DBH: variants seen among roughly 807,000 people sequenced by gnomAD.
DBH encodes the protein dopamine beta-hydroxylase (dopamine beta-monooxygenase).
Under a neutral mutation model 64.0 loss-of-function variants are expected in DBH, and 49 were observed. The observed-to-expected ratio is 0.77, with a 90% CI of 0.61 to 0.97. The LOEUF is 0.97. Among genes scored for constraint, DBH ranks in the 50% least tolerant of loss-of-function variants. DBH has a pLI of 0.00. For missense variants in DBH, 828 were observed against 826.6 expected (o/e 1.00, Z -0.02); for synonymous variants, 343 against 347.1 (o/e 0.99, Z 0.13).
chr9:133,641,402 C>T (rs1337457151), intron 2 of DBH, among the ~76,000 whole-genome samples: 1 of 152,184 alleles, frequency 6.6e-6, no homozygotes, highest in African/African-American at 2.4e-5. Flanking sequence ...CAGGGGGAGG[C>T]CAATGCCTGT....
chr9:133,648,093 A>G, intron 6 of DBH, 81 bp downstream of exon 6: 1 of 1,487,252 alleles, frequency 6.7e-7, no homozygotes, highest in East Asian at 2.4e-5. Context: ...TGGCCCACGA[A>G]GGGTGGCAGG....
At chr9:133,653,067 G>C in intron 9 of DBH, 68 bp downstream of exon 9, 1 of 1,270,184 alleles carries the variant, frequency 7.9e-7, no homozygotes, top group South Asian at 1.2e-5. Context: ...TCTGAGGAAG[G>C]ATGACAGGTC....
rs549919439 is a variant in DBH at position 133,659,019 on chromosome 9, T to G, written c.*572T>G. On this transcript the variant is annotated 3_prime_UTR_variant, in exon 12 of 12. Transcript: ENST00000393056. ...TCCATTCCTGAGTAAACAGATATTT[T>G]CGCCCACCTAAAGGGAAGCCCTGAC... 1 of 151,878 alleles carries G rather than the reference T, an allele frequency of 6.6e-6. No homozygotes were observed. The highest frequency in any genetic ancestry group is 2.4e-5 in the African/African-American group (1 of 41,416). The allele number at this position is 151,878 out of a possible 1,614,324, so 9.4% of individuals were successfully genotyped here.
chr9:133,644,522 C>T (rs1284665259), intron 5 of DBH, among the ~76,000 whole-genome samples: 2 of 152,234 alleles, frequency 1.3e-5, no homozygotes, highest in African/African-American at 4.8e-5. Flanking sequence ...TCGAGGGGCT[C>T]ACTCCTCACA....
chr9:133,637,598 C>T (rs1832068135), intron 1 of DBH, among the ~76,000 whole-genome samples: 2 of 152,206 alleles, frequency 1.3e-5, no homozygotes, highest in South Asian at 2.1e-4. Flanking sequence ...CGAGCTGGAG[C>T]GGGGGAGCTG....
chr9:133,649,842 C>T lies in DBH; in HGVS notation c.1192-1792C>T, dbSNP rs184810520. Among the ~76,000 whole-genome samples the T allele has an allele frequency of 4.8e-3, 729 of 152,362 alleles. 2 individuals are homozygous for T. The highest frequency in any genetic ancestry group is 0.017 in the African/African-American group (704 of 41,584). ...CCCCGCTGACCGCTGACTGTGAGAA[C>T]GCCTCTCTCCAGCCTCAGGAATACA... On this transcript the variant is annotated intron_variant, in intron 6 of 11. Transcript: ENST00000393056.
At chr9:133,657,258 T>A (rs371040326) in intron 11 of DBH, 29 bp downstream of exon 11, 2 of 1,612,724 alleles carry the variant, frequency 1.2e-6, no homozygotes, top group Middle Eastern at 1.6e-4. Flanking sequence ...GGGTGGGGCA[T>A]GCAGTCAGGC....
chr9:133,650,431 TTCC>T (rs59837456), intron 6 of DBH, among the ~76,000 whole-genome samples: 11,297 of 150,212 alleles, frequency 0.075, 1,031 homozygotes, highest in African/African-American at 0.22. Context: ...GTTCTTTTCT[TTCC>T]TTCTTTCCTT....
chr9:133,643,426 T>C lies in DBH; in HGVS notation c.758T>C (p.Val253Ala). The change falls in exon 4 of 12, where the codon GTC becomes GCC. Residue 253 changes from valine to alanine, a missense_variant. By Grantham distance (64) the Val-to-Ala change is moderately conservative (BLOSUM62 0). Transcript: ENST00000393056. The surrounding 1 kb of genome is among the most constrained non-coding windows in gnomAD (Gnocchi z 5.3). ...RHHIIKYEPI[V>A]TKGNEALVHH... Reference sequence around the variant, plus strand: ...GCCTCCTCACAGTACGAGCCCATCGTCACCAAGGGCAATGAGGCCCTTGTC... The same window carrying C: ...GCCTCCTCACAGTACGAGCCCATCGCCACCAAGGGCAATGAGGCCCTTGTC... 6.2e-7 allele frequency: 1 copy of C among 1,613,782 alleles called. No homozygotes were observed. The highest frequency in any genetic ancestry group is 1.1e-5 in the South Asian group (1 of 91,066).
rs192799258 is a variant in DBH, at chr9:133,636,831, G to A, written c.339+121G>A. The A allele has an allele frequency of 9.9e-5, 95 of 962,302 alleles. No individual in the cohort carries two copies. In the African/African-American group the frequency reaches 1.1e-3, roughly 11 times the overall value. The allele number at this position is 962,302 out of a possible 1,614,324, so 59.6% of individuals were successfully genotyped here. On this transcript the variant is annotated intron_variant, in intron 1 of 11. Transcript: ENST00000393056. Reference sequence around the variant, plus strand: ...TCTTCTGTCACCTGTCAGTGTTTGAGTTGACTCTGCTCTGAGCCAAGTCTG... The same window carrying A: ...TCTTCTGTCACCTGTCAGTGTTTGAATTGACTCTGCTCTGAGCCAAGTCTG...
At position 133,658,435 on chromosome 9, in the gene DBH, G is replaced by C. The variant is rs1832364702; in HGVS notation, c.1842G>C (p.Gly614=). The C allele has an allele frequency of 1.9e-6, 3 of 1,610,284 alleles. No individual in the cohort carries two copies. The highest frequency in any genetic ancestry group is 2.5e-6 in the Non-Finnish European group (3 of 1,177,600). The change falls in exon 12 of 12, where the codon GGG becomes GGC. Residue 614 remains glycine, a synonymous_variant. Transcript: ENST00000393056. ...GCCCCACCGTTGTCAGCATTGGTGGGGGCAAAGGCTGAGGGGGGACCTACT... is the reference window on the plus strand; with the variant it reads ...GCCCCACCGTTGTCAGCATTGGTGGCGGCAAAGGCTGAGGGGGGACCTACT... ...PAGPTVVSIG[G]GKG
At chr9:133,656,371 T>C (rs569497124) in intron 9 of DBH, 152 bp from the exon 10 acceptor site, 3 of 1,014,262 alleles carry the variant, frequency 3.0e-6, no homozygotes, top group Admixed American at 4.1e-5. Flanking sequence ...GGCAATTCCT[T>C]GAGGGCAGGG....
chr9:133,642,188 A>C lies in DBH; in HGVS notation c.487-19A>C, dbSNP rs201689619. ...GGGGCTCTGAGAGGGCGACCAGCTG[A>C]ACCCTGTCTCGGCTGCAGGACGGCA... On this transcript the variant is annotated intron_variant, in intron 2 of 11. Coordinates refer to ENST00000393056, the MANE Select transcript of DBH (RefSeq NM_000787.4). 3 of 1,611,976 alleles carry C rather than the reference A, an allele frequency of 1.9e-6. No homozygotes were observed. In the African/African-American group the frequency reaches 4.0e-5, roughly 22 times the overall value.
In DBH at chr9:133,647,986, T is replaced by G. The variant is rs546771143; in HGVS notation, c.1165T>G (p.Tyr389Asp). Residue 389 changes from tyrosine to aspartate, a missense_variant, in exon 6 of 12, where the codon TAC becomes GAC. By Grantham distance (160) the Tyr-to-Asp change is radical. Coordinates refer to ENST00000393056, the MANE Select transcript of DBH (RefSeq NM_000787.4). ...PRETAFILTGYCTDKCTQLAL... is the reference protein window; with the variant it reads ...PRETAFILTGDCTDKCTQLAL... The stretch of plus-strand genomic sequence containing the variant: ...GGAGACCGCCTTCATCCTCACTGGC[T>G]ACTGCACGGACAAGTGCACCCAGCT... 22 of 1,613,324 alleles carry G rather than the reference T, an allele frequency of 1.4e-5. No individual in the cohort carries two copies. Among genetic ancestry groups the G allele is most frequent in the Non-Finnish European group, 1.8e-5 (21 of 1,179,902 alleles).
chr9:133,636,548 G>A lies in DBH; in HGVS notation c.177G>A (p.Leu59=), dbSNP rs1234428278. 8.7e-6 allele frequency: 14 copies of A among 1,613,452 alleles called. No individual in the cohort carries two copies. Among genetic ancestry groups the A allele is most frequent in the Non-Finnish European group, 1.2e-5 (14 of 1,180,022 alleles). The part of the protein sequence containing the change: ...YHIPLDPEGS[L]ELSWNVSYTQ... ...TCCCCCTGGACCCGGAGGGGTCCCTGGAGCTCTCATGGAATGTCAGCTACA... is the reference window on the plus strand; with the variant it reads ...TCCCCCTGGACCCGGAGGGGTCCCTAGAGCTCTCATGGAATGTCAGCTACA... The change falls in exon 1 of 12, where the codon CTG becomes CTA. Residue 59 remains leucine, a synonymous_variant. Transcript: ENST00000393056.
At chr9:133,657,633 C>A (rs574675367) in intron 11 of DBH, among the ~76,000 whole-genome samples, 1 of 152,270 alleles carries the variant, frequency 6.6e-6, no homozygotes, top group Admixed American at 6.5e-5. Flanking sequence ...GGCGCACTAA[C>A]CTGCCTAAAA....
chr9:133,640,726 C>A (rs946827902), intron 2 of DBH, among the ~76,000 whole-genome samples: 2 of 152,210 alleles, frequency 1.3e-5, no homozygotes, highest in Admixed American at 6.5e-5. Context: ...AGTGACCACA[C>A]GGGAGGCCAG....
At chr9:133,656,046 TG>T (rs1012959040) in intron 9 of DBH, 17 of 251,724 alleles carry the variant, frequency 6.8e-5, no homozygotes, top group African/African-American at 3.8e-4. Flanking sequence ...GAGAAATGAC[TG>T]GTGGACGGTG....
Position 133,648,017 on chromosome 9 carries a change from G to A in DBH, c.1191+5G>A. 6.2e-7 allele frequency: 1 copy of A among 1,610,292 alleles called. No individual in the cohort carries two copies. The highest frequency in any genetic ancestry group is 8.5e-7 in the Non-Finnish European group (1 of 1,179,196). ...ACGGACAAGTGCACCCAGCTGGTGAGTGGGGCTGGGCCCGGCACTGCACCC... is the reference window on the plus strand; with the variant it reads ...ACGGACAAGTGCACCCAGCTGGTGAATGGGGCTGGGCCCGGCACTGCACCC... On this transcript the variant is annotated splice_donor_5th_base_variant and intron_variant, in intron 6 of 11. Transcript: ENST00000393056.
Sources: gnomAD v4.1 joint callset for allele counts (sites outside exome capture counted in the v4.1 genomes callset) on GRCh38, gnomAD v4.1.1 for gene constraint, Gnocchi (gnomAD v3.1) non-coding constraint, MANE v1.5 for transcripts, NCBI Gene and HGNC (gene_info 2026-07-23, HGNC 2026-07-21) for gene names.